DYRK1A: variants seen among roughly 807,000 people sequenced by gnomAD.
DYRK1A encodes dual specificity tyrosine-phosphorylation-regulated kinase 1A.
Under a neutral mutation model 79.7 loss-of-function variants are expected in DYRK1A, and 9 were observed. That is an observed-to-expected ratio of 0.11 (90% CI 0.07 to 0.20). The LOEUF (loss-of-function observed/expected upper bound fraction) is 0.20. Among genes scored for constraint, DYRK1A ranks in the 10% least tolerant of loss-of-function variants. The pLI is 1.00. For synonymous variants in DYRK1A, 349 were observed against 329.7 expected, an observed-to-expected ratio of 1.06 and a Z score of -0.63; for missense variants, 622 against 956.0, an observed-to-expected ratio of 0.65 and a Z score of 4.61.
At chr21:37,468,104 A>G (rs546193685) in intron 2 of DYRK1A, among the ~76,000 whole-genome samples, 2 of 152,240 alleles carry the variant, frequency 1.3e-5, no homozygotes, top group African/African-American at 4.8e-5. Flanking sequence ...GGAATAGCCA[A>G]ACTTACTTAC....
chr21:37,378,966 A>G (rs897155408), intron 1 of DYRK1A, among the ~76,000 whole-genome samples: 5 of 152,094 alleles, frequency 3.3e-5, no homozygotes, highest in Non-Finnish European at 5.9e-5. Flanking sequence ...TTGACAGTCT[A>G]TTGGAGGAAG....
rs1026351448 is a variant in DYRK1A, at chr21:37,367,430, C to T, written c.-275C>T. On this transcript the variant is annotated 5_prime_UTR_variant, in exon 1 of 12. Transcript: ENST00000647188. ...TTGCCGGGGAGGGGGCTGTCGCCTC[C>T]CCGGCCCCGGGCGCCGCTGGAACCG... is the stretch of plus-strand genomic sequence containing the variant. The T allele has an allele frequency of 6.7e-6, 1 of 148,670 alleles. No individual in the cohort carries two copies. The highest frequency in any genetic ancestry group is 1.5e-5 in the Non-Finnish European group (1 of 66,654). 9.2% of individuals were successfully genotyped at this position (148,670 alleles called of 1,614,324 possible).
chr21:37,447,098 AGGAG>A (rs1265820190), intron 2 of DYRK1A, among the ~76,000 whole-genome samples: 6 of 152,202 alleles, frequency 3.9e-5, no homozygotes, highest in Non-Finnish European at 5.9e-5. Context: ...CTCTCCTAAC[AGGAG>A]AACTTGCTTC....
intron 1 of DYRK1A, among the ~76,000 whole-genome samples, chr21:37,400,039 C>T (rs891713587): frequency 2.6e-5 from 4 of 152,172 alleles, no homozygotes; most frequent in African/African-American, 9.7e-5. Context: ...ATCATTGAGC[C>T]TAAACCAAGG....
chr21:37,448,236 T>G (rs1255350947), intron 2 of DYRK1A, among the ~76,000 whole-genome samples: 1 of 152,208 alleles, frequency 6.6e-6, no homozygotes, highest in Non-Finnish European at 1.5e-5. Context: ...TGAGTTGACA[T>G]TGTTTTTCTA....
chr21:37,482,661 C>G (rs1335008919), intron 5 of DYRK1A, among the ~76,000 whole-genome samples: 1 of 152,038 alleles, frequency 6.6e-6, no homozygotes, highest in Admixed American at 6.6e-5. Context: ...CTGGTCTGAC[C>G]AAAATTTATT....
intron 3 of DYRK1A, 112 bp downstream of exon 3, chr21:37,472,992 G>T (rs2898316): frequency 1.2e-6 from 1 of 809,896 alleles, no homozygotes; most frequent in Non-Finnish European, 1.8e-6. Flanking sequence ...TACATGCAAC[G>T]TGGGATTATG....
intron 9 of DYRK1A, chr21:37,504,787 A>G (rs1254337091): frequency 6.5e-6 from 1 of 154,436 alleles, no homozygotes; most frequent in African/African-American, 2.4e-5. Context: ...TGTCATTGCC[A>G]TAGCTTTCTT....
rs8131330 is a variant in DYRK1A, at chr21:37,520,064, C to A, written c.*7533C>A. 18,958 of 152,114 alleles carry A rather than the reference C, an allele frequency of 0.12. 1,373 individuals are homozygous for A. Among genetic ancestry groups the A allele is most frequent in the Middle Eastern group, 0.16 (48 of 294 alleles). 9.4% of individuals were successfully genotyped at this position (152,114 alleles called of 1,614,324 possible). A position where few individuals can be genotyped will look rare whatever the true frequency, so the allele number is the denominator to read the frequency against. On this transcript the variant is annotated 3_prime_UTR_variant, in exon 12 of 12. Coordinates refer to ENST00000647188, the MANE Select transcript of DYRK1A (RefSeq NM_001347721.2). ...CGGTAGTTTGCTTTGCCTTGATAAACTATATGATATTTAAATGTTTTATAA... is the reference window on the plus strand; with the variant it reads ...CGGTAGTTTGCTTTGCCTTGATAAAATATATGATATTTAAATGTTTTATAA...
Position 37,505,451 on chromosome 21 carries a change from C to G in DYRK1A, c.1381C>G (p.Pro461Ala), listed in dbSNP as rs1349638793. The G allele has an allele frequency of 1.7e-5, 27 of 1,614,120 alleles. No homozygotes were observed. The highest frequency in any genetic ancestry group is 2.2e-5 in the Non-Finnish European group (26 of 1,180,022). Reference sequence around the variant, plus strand: ...TTATGACCCCAAAACTCGAATTCAACCTTATTATGCTCTGCAGCACAGTTT... The same window carrying G: ...TTATGACCCCAAAACTCGAATTCAAGCTTATTATGCTCTGCAGCACAGTTT... ...LDYDPKTRIQ[P>A]YYALQHSFFK... is the part of the protein sequence containing the mutation. The change falls in exon 10 of 12, where the codon CCT (proline) becomes GCT (alanine). Residue 461 changes from proline to alanine, a missense_variant. By Grantham distance (27) the Pro-to-Ala change is conservative. Around this residue, in one of 5 missense-constraint regions of DYRK1A, gnomAD observed 80 missense variants for 116.5 expected, o/e 0.69. Coordinates refer to ENST00000647188, the MANE Select transcript of DYRK1A (RefSeq NM_001347721.2).
At position 37,509,226 on chromosome 21, in the gene DYRK1A, C is replaced by A. The variant is rs532325303; in HGVS notation, c.1645-2685C>A. On this transcript the variant is annotated intron_variant, in intron 11 of 11. Transcript: ENST00000647188. ...TATTTTATACATATTCAAGCAAATA[C>A]AAATACATATTCTTCATCCACCCTT... Among the ~76,000 whole-genome samples, 173 of 152,276 alleles carry A rather than the reference C, an allele frequency of 1.1e-3. No homozygotes were observed. The Middle Eastern group carries it at 0.031, about 27-fold the overall frequency.
In DYRK1A at chr21:37,520,682, A is replaced by G. The variant is rs1387497826; in HGVS notation, c.*8151A>G. 2.0e-5 allele frequency: 3 copies of G among 152,260 alleles called. No individual in the cohort carries two copies. Among genetic ancestry groups the G allele is most frequent in the Non-Finnish European group, 2.9e-5 (2 of 68,048 alleles). 9.4% of individuals were successfully genotyped at this position (152,260 alleles called of 1,614,324 possible). ...GGATTTAACTGTTCACTTCAGGTAG[A>G]TAAGATATTTCTGGGAGAAGTAAAT... On this transcript the variant is annotated 3_prime_UTR_variant, in exon 12 of 12. Coordinates refer to ENST00000647188, the MANE Select transcript of DYRK1A (RefSeq NM_001347721.2).
At chr21:37,479,598 TTGTTTTTG>T (rs58639777) in intron 4 of DYRK1A, among the ~76,000 whole-genome samples, 1,614 of 71,418 alleles carry the variant, frequency 0.023, 53 homozygotes, top group African/African-American at 0.14. Context: ...TGTTTTGTTT[TTGTTTTTG>T]TTTTTGTTTT....
intron 1 of DYRK1A, among the ~76,000 whole-genome samples, chr21:37,369,772 C>G (rs1027117602): frequency 3.3e-5 from 5 of 152,176 alleles, no homozygotes; most frequent in African/African-American, 1.2e-4. Context: ...GGGAAATGGA[C>G]TAAATGACCT....
chr21:37,444,611 T>G (rs1353914791), intron 2 of DYRK1A, among the ~76,000 whole-genome samples: 3 of 50,092 alleles, frequency 6.0e-5, no homozygotes, highest in Non-Finnish European at 1.1e-4. Flanking sequence ...AGACAAACCT[T>G]GAGAATGATT....
chr21:37,371,584 A>G (rs2835705), intron 1 of DYRK1A, among the ~76,000 whole-genome samples: 23,126 of 152,218 alleles, frequency 0.15, 1,877 homozygotes, highest in Middle Eastern at 0.17. Context: ...AGAGCTATGT[A>G]TCTTCTCTTC....
intron 2 of DYRK1A, among the ~76,000 whole-genome samples, chr21:37,461,640 C>T (rs1183970906): frequency 1.3e-5 from 2 of 152,006 alleles, no homozygotes; most frequent in African/African-American, 4.8e-5. Context: ...GTGTTCTCAC[C>T]GGATATAGAT....
chr21:37,401,568 C>T (rs1172156432), intron 1 of DYRK1A, among the ~76,000 whole-genome samples: 6 of 150,424 alleles, frequency 4.0e-5, no homozygotes, highest in Admixed American at 6.6e-5. Flanking sequence ...CTGCAACCTG[C>T]GCCTCCTGGG....
intron 5 of DYRK1A, 69 bp downstream of exon 5, chr21:37,480,895 G>A (rs1220509977): frequency 2.3e-6 from 3 of 1,280,816 alleles, no homozygotes; most frequent in Non-Finnish European, 3.2e-6. Flanking sequence ...GTTGTTAACA[G>A]CCCTTCCTCA....
Sources: allele counts gnomAD v4.1 joint callset (sites outside exome capture counted in the v4.1 genomes callset), GRCh38; gene constraint gnomAD v4.1.1; regional missense constraint gnomAD v4.1.1; transcripts MANE v1.5; gene names NCBI Gene and HGNC (gene_info 2026-07-23, HGNC 2026-07-21).